The following IRGQ variants were observed in gnomAD, a reference collection of about 807,000 sequenced individuals.
The protein encoded by IRGQ is immunity-related GTPase family Q protein.
Under a neutral mutation model 10.5 loss-of-function variants are expected in IRGQ, and 5 were observed. The observed-to-expected ratio is 0.48, with a 90% CI of 0.25 to 1.00. IRGQ has a LOEUF of 1.00. Ranked by LOEUF, IRGQ falls within the 50% of genes least tolerant of loss-of-function variation. The pLI, the probability that IRGQ is intolerant of heterozygous loss-of-function variation, is 0.16. For synonymous variants in IRGQ, 418 were observed against 426.0 expected, an observed-to-expected ratio of 0.98 and a Z score of 0.23; for missense variants, 792 against 877.7, an observed-to-expected ratio of 0.90 and a Z score of 1.23.
In IRGQ at chr19:43,589,652, AAAC is replaced by A. The variant is rs1005305046; in HGVS notation, c.*2371_*2373del. 6.6e-6 allele frequency: 1 copy of A among 152,218 alleles called. No homozygotes were observed. Among genetic ancestry groups the A allele is most frequent in the African/African-American group, 2.4e-5 (1 of 41,458 alleles). 9.4% of individuals were successfully genotyped at this position (152,218 alleles called of 1,614,324 possible). A position where few individuals can be genotyped will look rare whatever the true frequency, so the allele number is the denominator to read the frequency against. ...GCACCTATTGTTCTAGATGCTGGGG[AAAC>A]AACAGAGAACAGGACAGGCAACGGG... On this transcript the variant is annotated 3_prime_UTR_variant, in exon 3 of 3. Coordinates refer to ENST00000422989, the MANE Select transcript of IRGQ (RefSeq NM_001007561.3).
rs1381537281 is a variant in IRGQ at position 43,595,140 on chromosome 19, C to T, written c.199G>A (p.Ala67Thr). 3.1e-6 allele frequency: 5 copies of T among 1,601,534 alleles called. No individual in the cohort carries two copies. In the East Asian group the frequency reaches 9.0e-5, roughly 29 times the overall value. The change falls in exon 2 of 3, where the codon GCG (alanine) becomes ACG (threonine). Residue 67 changes from alanine (A) to threonine (T), a missense_variant. Transcript: ENST00000422989. ...GCTTCCGCCGCCCAGGGCCCCGGCG[C>T]TGCGGGTGGGCAGCTCAGCTCGCCC... ...FLGELSCPPA[A>T]PGPWAAEANV...
rs775361260 is a variant in IRGQ at position 43,593,073 on chromosome 19, C to T, written c.825G>A (p.Trp275Ter). 1 of 1,598,070 alleles carries T rather than the reference C, an allele frequency of 6.3e-7. No individual in the cohort carries two copies. The highest frequency in any genetic ancestry group is 2.2e-5 in the East Asian group (1 of 44,478). Residue 275 changes from tryptophan (W) to a stop codon, truncating the protein, a stop_gained, in exon 3 of 3, where the codon TGG (tryptophan) becomes TGA (stop). Coordinates refer to ENST00000422989, the MANE Select transcript of IRGQ (RefSeq NM_001007561.3). LOFTEE classifies it low-confidence loss of function (END_TRUNC). The surrounding 1 kb of genome is among the most constrained non-coding windows in gnomAD (Gnocchi z 6.4). Reference protein sequence around the residue: ...PAPERPNVVLWTVPLGHTGTA... With the variant: ...PAPERPNVVL The stretch of plus-strand genomic sequence containing the variant: ...TGCCCGTGTGGCCCAGAGGCACGGT[C>T]CAGAGCACCACATTCGGGCGCTCTG...
intron 2 of IRGQ, among the ~76,000 whole-genome samples, chr19:43,594,262 C>T (rs560524648): frequency 2.6e-5 from 4 of 152,070 alleles, no homozygotes; most frequent in South Asian, 4.2e-4. Flanking sequence ...TTGGTGGGGG[C>T]AGGGCCTGGA....
Position 43,591,158 on chromosome 19 carries a change from A to T in IRGQ, c.*868T>A, listed in dbSNP as rs1973049809. 6.6e-6 allele frequency: 1 copy of T among 152,318 alleles called. No individual in the cohort carries two copies. Among genetic ancestry groups the T allele is most frequent in the African/African-American group, 2.4e-5 (1 of 41,458 alleles). The allele number at this position is 152,318 out of a possible 1,614,324, so 9.4% of individuals were successfully genotyped here. On this transcript the variant is annotated 3_prime_UTR_variant, in exon 3 of 3. Transcript: ENST00000422989. ...ACCCAATATTTAGGAACCAAGGTCC[A>T]CAGCCATCTTAGAACCCCGGAAGTC...
rs1205451919 is a variant in IRGQ at position 43,586,564 on chromosome 19, T to A, written c.*5462A>T. ...AGGAAATTGAGAGGAGCAAAGCATA[T>A]AGCAGTGATGTCAGACAGGACCAAA... On this transcript the variant is annotated 3_prime_UTR_variant, in exon 3 of 3. Transcript: ENST00000422989. 6.6e-6 allele frequency: 1 copy of A among 152,164 alleles called. No individual in the cohort carries two copies. The highest frequency in any genetic ancestry group is 2.1e-4 in the South Asian group (1 of 4,830). 9.4% of individuals were successfully genotyped at this position (152,164 alleles called of 1,614,324 possible). A position where few individuals can be genotyped will look rare whatever the true frequency, so the allele number is the denominator to read the frequency against.
In IRGQ at chr19:43,593,348, C is replaced by T. The variant is rs1973088551; in HGVS notation, c.550G>A (p.Asp184Asn). Reference protein sequence around the residue: ...ALRRLLPPAQDGFEVLGAAEL... With the variant: ...ALRRLLPPAQNGFEVLGAAEL... ...GCTGCACCCAACACCTCGAAGCCAT[C>T]CTGCGCCGGTGGCAGGAGCCTGTGG... Residue 184 changes from aspartate to asparagine, a missense_variant, in exon 3 of 3, where the codon GAT becomes AAT. Asp to Asn is a conservative substitution (Grantham distance 23, BLOSUM62 1). Transcript: ENST00000422989. This position sits in a 1 kb window ranked among gnomAD's most constrained non-coding sequence, Gnocchi z 6.4. 6.6e-7 allele frequency: 1 copy of T among 1,517,058 alleles called. No homozygotes were observed. The highest frequency in any genetic ancestry group is 8.8e-7 in the Non-Finnish European group (1 of 1,131,258). The allele number at this position is 1,517,058 out of a possible 1,614,324, so 94.0% of individuals were successfully genotyped here. A position where few individuals can be genotyped will look rare whatever the true frequency, so the allele number is the denominator to read the frequency against.
rs1045289233 is a variant in IRGQ, at chr19:43,589,113, A to C, written c.*2913T>G. The C allele has an allele frequency of 1.3e-5, 2 of 152,214 alleles. No individual in the cohort carries two copies. Among genetic ancestry groups the C allele is most frequent in the African/African-American group, 4.8e-5 (2 of 41,462 alleles). 9.4% of individuals were successfully genotyped at this position (152,214 alleles called of 1,614,324 possible). ...TTCTTATCCAGCTCTTTTATTTCAC[A>C]GATGGGAAAATAAGGCACTGTCCAA... On this transcript the variant is annotated 3_prime_UTR_variant, in exon 3 of 3. Transcript: ENST00000422989.
At position 43,594,962 on chromosome 19, in the gene IRGQ, T is replaced by C; in HGVS notation, c.377A>G (p.Gln126Arg). ...CAGAGCTGCTGTCTGATCACGGGCC[T>C]GGGCGGCAGTCTGTGAATCCCCAGG... ...LRPGDSQTAAQARDQTAALLN... is the reference protein window; with the variant it reads ...LRPGDSQTAARARDQTAALLN... The change falls in exon 2 of 3, where the codon CAG becomes CGG. Residue 126 changes from glutamine to arginine, a missense_variant. Transcript: ENST00000422989. The C allele has an allele frequency of 6.2e-7, 1 of 1,614,006 alleles. No homozygotes were observed. The highest frequency in any genetic ancestry group is 8.5e-7 in the Non-Finnish European group (1 of 1,179,946).
chr19:43,594,206 C>A (rs984149216), intron 2 of IRGQ, among the ~76,000 whole-genome samples: 1 of 152,304 alleles, frequency 6.6e-6, no homozygotes, highest in East Asian at 1.9e-4. Flanking sequence ...GAGAGTCTCA[C>A]GACTGTAATC....
chr19:43,594,765 C>T (rs756134517), intron 2 of IRGQ, 44 bp downstream of exon 2: 1 of 1,547,842 alleles, frequency 6.5e-7, no homozygotes, highest in Admixed American at 1.8e-5. Flanking sequence ...ACCTAGGTGC[C>T]TAGGGTCTCG....
Position 43,592,404 on chromosome 19 carries a change from T to C in IRGQ, c.1494A>G (p.Pro498=). The change falls in exon 3 of 3, where the codon CCA becomes CCG. Residue 498 remains proline, a synonymous_variant. Transcript: ENST00000422989. Reference sequence around the variant, plus strand: ...CCACGTCGCATGCCCAGCCCAGCCCTGGGAGTGGTGCCGCCGCCGCCGCCA... The same window carrying C: ...CCACGTCGCATGCCCAGCCCAGCCCCGGGAGTGGTGCCGCCGCCGCCGCCA... ...ASLAAAAAPL[P]GLGWACDVAL... 1 of 1,576,306 alleles carries C rather than the reference T, an allele frequency of 6.3e-7. No homozygotes were observed. The highest frequency in any genetic ancestry group is 1.1e-5 in the South Asian group (1 of 88,662).
intron 2 of IRGQ, 40 bp downstream of exon 2, chr19:43,594,769 G>A (rs777400687): frequency 2.6e-6 from 4 of 1,555,836 alleles, no homozygotes; most frequent in Non-Finnish European, 3.5e-6. Context: ...AGGTGCCTAG[G>A]GTCTCGACTA....
intron 2 of IRGQ, among the ~76,000 whole-genome samples, chr19:43,594,551 AG>A (rs1339735789): frequency 1.3e-5 from 2 of 151,828 alleles, no homozygotes; most frequent in African/African-American, 2.4e-5. Flanking sequence ...TCAAAAAAAA[AG>A]GCCGGGTGTG....
Position 43,592,583 on chromosome 19 carries a change from G to A in IRGQ, c.1315C>T (p.Leu439Phe), listed in dbSNP as rs1314113718. 4.4e-6 allele frequency: 7 copies of A among 1,599,930 alleles called. No homozygotes were observed. In the South Asian group the frequency reaches 4.4e-5, roughly 10 times the overall value. The part of the protein sequence containing the change: ...PPVFPLRPGG[L>F]PGLCEWLRRA... ...CGCAGCCATTCGCATAGCCCTGGGA[G>A]TCCGCCAGGCCGTAGGGGGAACACT... Residue 439 changes from leucine to phenylalanine, a missense_variant, in exon 3 of 3, where the codon CTC becomes TTC. By Grantham distance (22) the Leu-to-Phe change is conservative. Coordinates refer to ENST00000422989, the MANE Select transcript of IRGQ (RefSeq NM_001007561.3).
rs1246060416 is a variant in IRGQ, at chr19:43,593,993, TG to T, written c.531-627del. Among the ~76,000 whole-genome samples, 1 of 152,158 alleles carries T rather than the reference TG, an allele frequency of 6.6e-6. No homozygotes were observed. The highest frequency in any genetic ancestry group is 1.5e-5 in the Non-Finnish European group (1 of 68,028). On this transcript the variant is annotated intron_variant, in intron 2 of 2. Coordinates refer to ENST00000422989, the MANE Select transcript of IRGQ (RefSeq NM_001007561.3). The surrounding 1 kb of genome is among the most constrained non-coding windows in gnomAD (Gnocchi z 6.4). ...TTTAAAGTCTTTAAAATGAGGAGGC[TG>T]GCAGGTGGTAGAGCAAATCCAGGAG...
chr19:43,594,251 C>G (rs1050332354), intron 2 of IRGQ, among the ~76,000 whole-genome samples: 2 of 151,950 alleles, frequency 1.3e-5, no homozygotes, highest in Non-Finnish European at 2.9e-5. Context: ...GGTGGATCAC[C>G]TTGGTGGGGG....
At position 43,589,269 on chromosome 19, in the gene IRGQ, T is replaced by C. The variant is rs1973029054; in HGVS notation, c.*2757A>G. The C allele has an allele frequency of 6.6e-6, 1 of 152,198 alleles. No individual in the cohort carries two copies. The highest frequency in any genetic ancestry group is 6.6e-5 in the Admixed American group (1 of 15,266). 9.4% of individuals were successfully genotyped at this position (152,198 alleles called of 1,614,324 possible). A position where few individuals can be genotyped will look rare whatever the true frequency, so the allele number is the denominator to read the frequency against. ...ATTTTCCTATCTTGTGGCAAGAGATTAACAATCTAAATTCCAATCCTAGTT... is the reference window on the plus strand; with the variant it reads ...ATTTTCCTATCTTGTGGCAAGAGATCAACAATCTAAATTCCAATCCTAGTT... On this transcript the variant is annotated 3_prime_UTR_variant, in exon 3 of 3. Coordinates refer to ENST00000422989, the MANE Select transcript of IRGQ (RefSeq NM_001007561.3).
rs1218895613 is a variant in IRGQ at position 43,588,991 on chromosome 19, A to T, written c.*3035T>A. On this transcript the variant is annotated 3_prime_UTR_variant, in exon 3 of 3. Transcript: ENST00000422989. ...AGGGACAAATTTTGTCAGCAGTGGG[A>T]GTCCAAGCTGGAGATGATGGTACCA... 1 of 152,234 alleles carries T rather than the reference A, an allele frequency of 6.6e-6. No homozygotes were observed. Among genetic ancestry groups the T allele is most frequent in the African/African-American group, 2.4e-5 (1 of 41,474 alleles). The allele number at this position is 152,234 out of a possible 1,614,324, so 9.4% of individuals were successfully genotyped here.
In IRGQ at chr19:43,592,590, A is replaced by G; in HGVS notation, c.1308T>C (p.Pro436=). 1 of 1,600,322 alleles carries G rather than the reference A, an allele frequency of 6.2e-7. No individual in the cohort carries two copies. The highest frequency in any genetic ancestry group is 8.5e-7 in the Non-Finnish European group (1 of 1,179,778). The change falls in exon 3 of 3, where the codon CCT becomes CCC. Residue 436 remains proline (P), a synonymous_variant. Coordinates refer to ENST00000422989, the MANE Select transcript of IRGQ (RefSeq NM_001007561.3). ...EAPPPVFPLR[P]GGLPGLCEWL... is the part of the protein sequence containing the mutation. ...ATTCGCATAGCCCTGGGAGTCCGCC[A>G]GGCCGTAGGGGGAACACTGGCGGCG...
Sources: allele counts gnomAD v4.1 joint callset (sites outside exome capture counted in the v4.1 genomes callset), GRCh38; gene constraint gnomAD v4.1.1; non-coding constraint Gnocchi (gnomAD v3.1); transcripts MANE v1.5; gene names NCBI Gene and HGNC (gene_info 2026-07-23, HGNC 2026-07-21).